The following SGPL1 variants were observed in gnomAD, a reference collection of about 807,000 sequenced individuals.
SGPL1 encodes the protein sphingosine-1-phosphate lyase 1, also known as SP-lyase 1.
In SGPL1, 37 loss-of-function variants were observed where a neutral mutation model predicts 68.9. The observed-to-expected ratio is 0.54, with a 90% CI of 0.41 to 0.71. The LOEUF (loss-of-function observed/expected upper bound fraction) is 0.71, where lower values mean the gene tolerates loss of function less well. Among genes scored for constraint, SGPL1 ranks in the 30% least tolerant of loss-of-function variants. The pLI is 0.00. For synonymous variants in SGPL1, 236 were observed against 248.5 expected (o/e 0.95, Z 0.47); for missense variants, 551 against 704.6 (o/e 0.78, Z 2.47).
At chr10:70,853,915 C>T (rs945861504) in intron 4 of SGPL1, among the ~76,000 whole-genome samples, 26 of 152,272 alleles carry the variant, frequency 1.7e-4, no homozygotes, top group East Asian at 7.7e-4. Context: ...TAGTGTGCTG[C>T]GTGTATGTCT....
chr10:70,866,643 A>G (rs1025089644), intron 7 of SGPL1: 2 of 152,184 alleles, frequency 1.3e-5, no homozygotes, highest in Non-Finnish European at 2.9e-5. Flanking sequence ...GACTCTTGTG[A>G]CATTCTGAGG....
chr10:70,864,117 A>G (rs1589470352), intron 7 of SGPL1, among the ~76,000 whole-genome samples: 1 of 151,980 alleles, frequency 6.6e-6, no homozygotes, highest in Non-Finnish European at 1.5e-5. Context: ...TATTTCAGTT[A>G]GGAAGGTTGC....
intron 2 of SGPL1, among the ~76,000 whole-genome samples, chr10:70,837,994 A>G (rs1297390640): frequency 6.6e-6 from 1 of 152,130 alleles, no homozygotes; most frequent in Non-Finnish European, 1.5e-5. Flanking sequence ...GCATTAATAT[A>G]CTCATGAGGG....
At chr10:70,876,682 T>G (rs891184149) in intron 14 of SGPL1, 21 bp downstream of exon 14, 2 of 1,600,990 alleles carry the variant, frequency 1.2e-6, no homozygotes, top group Non-Finnish European at 1.7e-6. Flanking sequence ...TTGGAGTTTT[T>G]TTTCTTCTCT....
At chr10:70,850,574 A>G (rs1845863120) in intron 3 of SGPL1, among the ~76,000 whole-genome samples, 1 of 152,176 alleles carries the variant, frequency 6.6e-6, no homozygotes, top group African/African-American at 2.4e-5. Flanking sequence ...GTAGGTGTGC[A>G]GTATGGTGTG....
At chr10:70,816,993 C>A (rs892637824) in intron 2 of SGPL1, 113 bp downstream of exon 2, 2 of 1,026,478 alleles carry the variant, frequency 1.9e-6, no homozygotes, top group Non-Finnish European at 3.1e-6. Context: ...GGTAGCTGAG[C>A]GTTTTGCCAC....
intron 7 of SGPL1, among the ~76,000 whole-genome samples, chr10:70,861,671 C>G (rs1212701498): frequency 6.6e-6 from 1 of 152,154 alleles, no homozygotes; most frequent in Non-Finnish European, 1.5e-5. Flanking sequence ...ACCAGGGCTG[C>G]GCGCAGCGCT....
intron 7 of SGPL1, among the ~76,000 whole-genome samples, chr10:70,861,602 A>G (rs1395213394): frequency 6.6e-6 from 1 of 152,206 alleles, no homozygotes; most frequent in Non-Finnish European, 1.5e-5. Context: ...GGGCTGGCCA[A>G]GGTCGGAGCC....
chr10:70,867,510 C>T (rs866552028), intron 7 of SGPL1, among the ~76,000 whole-genome samples: 4 of 150,736 alleles, frequency 2.7e-5, no homozygotes, highest in Non-Finnish European at 4.4e-5. Context: ...TGCAGTGAGC[C>T]GAGATCATGC....
rs533914988 is a variant in SGPL1 at position 70,876,589 on chromosome 10, A to G, written c.1494A>G (p.Ile498Met). ...TLLHARKRVA[I>M]QFLKDIRESV... is the part of the protein sequence containing the mutation. ...TACACGCCCGGAAACGAGTAGCTAT[A>G]CAATTCCTAAAGGACATTCGAGAAT... is the stretch of plus-strand genomic sequence containing the variant. Residue 498 changes from isoleucine to methionine, a missense_variant, in exon 14 of 15, where the codon ATA becomes ATG. Ile to Met is a conservative substitution (Grantham distance 10). Coordinates refer to ENST00000373202, the MANE Select transcript of SGPL1 (RefSeq NM_003901.4). 4 of 1,612,848 alleles carry G rather than the reference A, an allele frequency of 2.5e-6. No homozygotes were observed. In the Admixed American group the frequency reaches 5.0e-5, roughly 20 times the overall value.
chr10:70,826,054 G>A (rs1339138623), intron 2 of SGPL1, among the ~76,000 whole-genome samples: 1 of 150,612 alleles, frequency 6.6e-6, no homozygotes, highest in Non-Finnish European at 1.5e-5. Flanking sequence ...GGTGGTGGGT[G>A]CCTGTAATCA....
chr10:70,857,697 G>A lies in SGPL1; in HGVS notation c.486+7G>A. ...CACTGAGCTCCTTGTGAAGGTGAGTGTCCAGTTCTTGAGGGAAGCCTGTGA... is the reference window on the plus strand; with the variant it reads ...CACTGAGCTCCTTGTGAAGGTGAGTATCCAGTTCTTGAGGGAAGCCTGTGA... On this transcript the variant is annotated splice_region_variant and intron_variant, in intron 6 of 14. Transcript: ENST00000373202. 2 of 1,600,972 alleles carry A rather than the reference G, an allele frequency of 1.2e-6. No homozygotes were observed. Among genetic ancestry groups the A allele is most frequent in the Non-Finnish European group, 1.7e-6 (2 of 1,171,254 alleles).
chr10:70,831,154 C>G (rs147702720), intron 2 of SGPL1, among the ~76,000 whole-genome samples: 2 of 152,090 alleles, frequency 1.3e-5, no homozygotes, highest in Non-Finnish European at 2.9e-5. Flanking sequence ...TCTGGTAACC[C>G]GGAGGGGCGT....
chr10:70,871,233 A>ATT, intron 10 of SGPL1, 87 bp downstream of exon 10: 9 of 796,884 alleles, frequency 1.1e-5, no homozygotes, highest in Non-Finnish European at 1.8e-5. Context: ...AATAGAAGCG[A>ATT]TTTTTTTTTT....
intron 7 of SGPL1, among the ~76,000 whole-genome samples, chr10:70,863,289 CTTTT>C (rs35676112): frequency 9.3e-5 from 11 of 118,776 alleles, no homozygotes; most frequent in African/African-American, 2.0e-4. Flanking sequence ...GCTTGGCCGT[CTTTT>C]TTTTTTTTTT....
chr10:70,873,942 A>T (rs573224986), intron 12 of SGPL1, among the ~76,000 whole-genome samples: 9 of 152,212 alleles, frequency 5.9e-5, no homozygotes, highest in Non-Finnish European at 1.2e-4. Context: ...CACCTGAAGG[A>T]CTTGTTAAAA....
chr10:70,816,174 A>C (rs1845222830), intron 1 of SGPL1, 48 bp downstream of exon 1: 1 of 134,454 alleles, frequency 7.4e-6, no homozygotes, highest in Non-Finnish European at 1.6e-5. Context: ...GTCGGGACGG[A>C]GGCGCCGCGG....
intron 10 of SGPL1, among the ~76,000 whole-genome samples, chr10:70,871,479 C>T (rs920753452): frequency 3.3e-5 from 5 of 152,174 alleles, no homozygotes. Flanking sequence ...TGCCCCTCAG[C>T]GCCTCCCTTT....
intron 7 of SGPL1, among the ~76,000 whole-genome samples, chr10:70,863,013 G>C (rs1846104730): frequency 6.6e-6 from 1 of 152,204 alleles, no homozygotes; most frequent in Admixed American, 6.5e-5. Flanking sequence ...GAGACAGGGT[G>C]TCACTCTGTT....
Sources: gnomAD v4.1 joint callset for allele counts (sites outside exome capture counted in the v4.1 genomes callset) on GRCh38, gnomAD v4.1.1 for gene constraint, MANE v1.5 for transcripts, NCBI Gene and HGNC (gene_info 2026-07-23, HGNC 2026-07-21) for gene names.